Variants in IKZF2 observed in about 807,000 individuals in gnomAD.
IKZF2 encodes zinc finger protein Helios.
A neutral mutation model predicts 49.2 loss-of-function variants in IKZF2; 15 were observed. The observed-to-expected ratio is 0.30, with a 90% CI of 0.20 to 0.47. The LOEUF (loss-of-function observed/expected upper bound fraction) is 0.47. Ranked by LOEUF, IKZF2 falls within the 20% of genes least tolerant of loss-of-function variation. The pLI, the probability that IKZF2 is intolerant of heterozygous loss-of-function variation, is 1.00. For missense variants in IKZF2, 567 were observed against 664.6 expected, an observed-to-expected ratio of 0.85 and a Z score of 1.61; for synonymous variants, 227 against 221.4, an observed-to-expected ratio of 1.03 and a Z score of -0.23.
chr2:213,099,908 G>C (rs943648521), intron 4 of IKZF2, among the ~76,000 whole-genome samples: 1 of 152,086 alleles, frequency 6.6e-6, no homozygotes, highest in Non-Finnish European at 1.5e-5. Flanking sequence ...CTAGGTATAT[G>C]AGTAAAGGCT....
intron 4 of IKZF2, among the ~76,000 whole-genome samples, chr2:213,061,493 T>TAAAA (rs376159502): frequency 6.9e-6 from 1 of 145,330 alleles, no homozygotes; most frequent in Admixed American, 6.9e-5. Flanking sequence ...CTTGAAAAAG[T>TAAAA]AAAAAAAAAA....
intron 6 of IKZF2, among the ~76,000 whole-genome samples, chr2:213,024,510 G>A (rs1474952182): frequency 6.6e-6 from 1 of 152,148 alleles, no homozygotes; most frequent in African/African-American, 2.4e-5. Context: ...GAATGGTGGT[G>A]TAGTATAACA....
intron 4 of IKZF2, among the ~76,000 whole-genome samples, chr2:213,129,442 A>C (rs2060394933): frequency 6.6e-6 from 1 of 151,146 alleles, no homozygotes; most frequent in Non-Finnish European, 1.5e-5. Context: ...AACAGCAAGT[A>C]CAGAGGTCCT....
chr2:213,003,850 T>A lies in IKZF2; in HGVS notation c.*3510A>T, dbSNP rs1399225379. ...AAGTAACTGTTGATAATATTTATTT[T>A]CTGAATTTTCTTCGTATTCCAAAAA... On this transcript the variant is annotated 3_prime_UTR_variant, in exon 9 of 9. Transcript: ENST00000434687. 6.6e-6 allele frequency: 1 copy of A among 151,868 alleles called. No homozygotes were observed. The highest frequency in any genetic ancestry group is 1.5e-5 in the Non-Finnish European group (1 of 67,812). 9.4% of individuals were successfully genotyped at this position (151,868 alleles called of 1,614,324 possible).
chr2:213,093,761 G>C (rs1705628264), intron 4 of IKZF2, among the ~76,000 whole-genome samples: 1 of 152,106 alleles, frequency 6.6e-6, no homozygotes, highest in Non-Finnish European at 1.5e-5. Context: ...AGAACCACTA[G>C]CTTTATTGTC....
At chr2:213,064,536 A>G (rs1701997377) in intron 4 of IKZF2, among the ~76,000 whole-genome samples, 1 of 152,020 alleles carries the variant, frequency 6.6e-6, no homozygotes, top group South Asian at 2.1e-4. Context: ...ATTAGCTAAC[A>G]CAGTAGCACC....
intron 4 of IKZF2, among the ~76,000 whole-genome samples, chr2:213,074,097 A>G (rs1287109634): frequency 3.3e-5 from 5 of 152,226 alleles, no homozygotes; most frequent in Non-Finnish European, 7.3e-5. Flanking sequence ...AGACACATCC[A>G]TCTCTAACTA....
chr2:213,136,082 A>C (rs941097449), intron 4 of IKZF2, among the ~76,000 whole-genome samples: 4 of 150,804 alleles, frequency 2.7e-5, no homozygotes, highest in African/African-American at 9.7e-5. Flanking sequence ...AAAAAAGAAA[A>C]GAAAGAGCCG....
chr2:213,087,905 C>G (rs763318252), intron 4 of IKZF2, among the ~76,000 whole-genome samples: 1 of 152,192 alleles, frequency 6.6e-6, no homozygotes, highest in African/African-American at 2.4e-5. Context: ...CAGTCTATCA[C>G]TGATGGACAT....
At chr2:213,146,081 C>T (rs945849810) in intron 4 of IKZF2, among the ~76,000 whole-genome samples, 6 of 152,072 alleles carry the variant, frequency 3.9e-5, no homozygotes, top group African/African-American at 1.2e-4. Flanking sequence ...TAGGGGATGA[C>T]AGTCAAGTCT....
intron 6 of IKZF2, among the ~76,000 whole-genome samples, chr2:213,033,823 C>A (rs192648306): frequency 4.8e-5 from 7 of 147,186 alleles, no homozygotes; most frequent in African/African-American, 1.7e-4. Context: ...AAGTCACCAG[C>A]TGCATTGTCC....
intron 4 of IKZF2, among the ~76,000 whole-genome samples, chr2:213,083,274 G>A (rs1704155565): frequency 6.6e-6 from 1 of 152,058 alleles, no homozygotes; most frequent in Admixed American, 6.6e-5. Flanking sequence ...TCACATAGCA[G>A]GAGGTGAGCT....
intron 4 of IKZF2, among the ~76,000 whole-genome samples, chr2:213,141,643 T>C (rs1456956083): frequency 6.6e-6 from 1 of 151,784 alleles, no homozygotes; most frequent in Non-Finnish European, 1.5e-5. Context: ...TCAAGCAGTC[T>C]CCCCCTCTAA....
intron 4 of IKZF2, among the ~76,000 whole-genome samples, chr2:213,124,997 T>C (rs573459236): frequency 6.6e-6 from 1 of 152,316 alleles, no homozygotes; most frequent in South Asian, 2.1e-4. Context: ...CACAATCTTT[T>C]CCCCTAATAG....
At chr2:213,133,162 T>A (rs555618871) in intron 4 of IKZF2, among the ~76,000 whole-genome samples, 1 of 152,344 alleles carries the variant, frequency 6.6e-6, no homozygotes, top group South Asian at 2.1e-4. Context: ...AACTTTTTTC[T>A]CATATTCTTT....
In IKZF2 at chr2:213,137,145, T is replaced by A. The variant is rs559001179; in HGVS notation, c.139+10563A>T. ...TTTTGTTTTTATTTCCAAAAAAAAATTAAATCTAAAACTATCATTAGGTCA... is the reference window on the plus strand; with the variant it reads ...TTTTGTTTTTATTTCCAAAAAAAAAATAAATCTAAAACTATCATTAGGTCA... On this transcript the variant is annotated intron_variant, in intron 4 of 8. Transcript: ENST00000434687. Among the ~76,000 whole-genome samples the A allele has an allele frequency of 3.7e-4, 56 of 152,186 alleles. 1 individual carries two copies. In the Middle Eastern group the frequency reaches 0.014, roughly 37 times the overall value.
At position 213,102,078 on chromosome 2, in the gene IKZF2, T is replaced by C. The variant is rs144149552; in HGVS notation, c.140-44979A>G. ...AATCTGCTACATGGATCTTTTTTAC[T>C]TGTTTTGGTAAAACCAGGAAAGAAG... On this transcript the variant is annotated intron_variant, in intron 4 of 8. Coordinates refer to ENST00000434687, the MANE Select transcript of IKZF2 (RefSeq NM_001387220.1). Among the ~76,000 whole-genome samples the C allele has an allele frequency of 3.1e-3, 470 of 152,334 alleles. 3 individuals are homozygous for C. Among genetic ancestry groups the C allele is most frequent in the African/African-American group, 0.01 (435 of 41,588 alleles).
chr2:213,061,986 A>G (rs1255128871), intron 4 of IKZF2, among the ~76,000 whole-genome samples: 4 of 151,584 alleles, frequency 2.6e-5, no homozygotes, highest in East Asian at 1.9e-4. Flanking sequence ...CCATTTGTGC[A>G]AGACAGCATA....
chr2:213,147,901 C>T, intron 3 of IKZF2, 89 bp from the exon 4 acceptor site: 1 of 851,724 alleles, frequency 1.2e-6, no homozygotes, highest in Non-Finnish European at 2.0e-6. Context: ...CAATGGCATG[C>T]ATAGCCTTCA....
Sources: allele counts gnomAD v4.1 joint callset (sites outside exome capture counted in the v4.1 genomes callset), GRCh38; gene constraint gnomAD v4.1.1; transcripts MANE v1.5; gene names NCBI Gene and HGNC (gene_info 2026-07-23, HGNC 2026-07-21).